ZHX3: variants seen among roughly 807,000 people sequenced by gnomAD.
ZHX3 encodes the protein zinc fingers and homeoboxes 3.
Under a neutral mutation model 64.5 loss-of-function variants are expected in ZHX3, and 20 were observed. That is an observed-to-expected ratio of 0.31 (90% confidence interval 0.22 to 0.45). The LOEUF is 0.45. Among genes scored for constraint, ZHX3 ranks in the 20% least tolerant of loss-of-function variants. The probability of loss-of-function intolerance (pLI) is 1.00; values close to 1 mark genes in which losing one functional copy is unlikely to be tolerated. For synonymous variants in ZHX3, 423 were observed against 461.6 expected, an observed-to-expected ratio of 0.92 and a Z score of 1.07; for missense variants, 1,041 against 1,195.8, an observed-to-expected ratio of 0.87 and a Z score of 1.91.
At position 41,188,722 on chromosome 20, in the gene ZHX3, A is replaced by AT. The variant is rs563362066; in HGVS notation, c.2861-3522dup. On this transcript the variant is annotated intron_variant, in intron 3 of 3. Transcript: ENST00000683867. ...CACCTTTTGCCCACTTTTTAATATG[A>AT]TTTTTTGTTGAATTCCTTATATATT... Among the ~76,000 whole-genome samples, 13 of 151,620 alleles carry AT rather than the reference A, an allele frequency of 8.6e-5. No individual in the cohort carries two copies. The South Asian group carries it at 2.7e-3, about 32-fold the overall frequency.
At chr20:41,258,967 G>A (rs2042414725) in intron 2 of ZHX3, among the ~76,000 whole-genome samples, 1 of 151,658 alleles carries the variant, frequency 6.6e-6, no homozygotes, top group Non-Finnish European at 1.5e-5. Context: ...ACTTTTGTTT[G>A]TTCAGTGAAT....
chr20:41,242,697 G>T (rs963196726), intron 2 of ZHX3, among the ~76,000 whole-genome samples: 3 of 152,102 alleles, frequency 2.0e-5, no homozygotes, highest in Admixed American at 1.3e-4. Context: ...TTATCTCCAA[G>T]GATGGAATCA....
At chr20:41,265,001 G>A (rs2042765769) in intron 2 of ZHX3, among the ~76,000 whole-genome samples, 1 of 151,986 alleles carries the variant, frequency 6.6e-6, no homozygotes, top group Non-Finnish European at 1.5e-5. Context: ...AAACTATGCA[G>A]TCATTAAAAA....
intron 1 of ZHX3, among the ~76,000 whole-genome samples, chr20:41,306,926 A>C (rs1249175644): frequency 6.6e-6 from 1 of 152,214 alleles, no homozygotes; most frequent in Non-Finnish European, 1.5e-5. Flanking sequence ...TGAATGCAAG[A>C]TTTCAGGCAT....
chr20:41,310,382 C>T (rs1455234845), intron 1 of ZHX3, among the ~76,000 whole-genome samples: 1 of 152,224 alleles, frequency 6.6e-6, no homozygotes, highest in Admixed American at 6.5e-5. Context: ...GCAGACCTCA[C>T]CTCTATTTCA....
chr20:41,264,180 G>A (rs980525839), intron 2 of ZHX3, among the ~76,000 whole-genome samples: 2 of 151,734 alleles, frequency 1.3e-5, no homozygotes, highest in African/African-American at 2.4e-5. Flanking sequence ...AGGCCGAGAC[G>A]GGCAGATTGC....
chr20:41,196,506 A>ATAATTATATAT (rs2037659906), intron 3 of ZHX3: 1 of 44,294 alleles, frequency 2.3e-5, no homozygotes, highest in African/African-American at 9.9e-5. Context: ...TATATATTAT[A>ATAATTATATAT]AATATATATT....
intron 1 of ZHX3, among the ~76,000 whole-genome samples, chr20:41,271,464 C>A (rs2043146198): frequency 6.6e-6 from 1 of 152,178 alleles, no homozygotes; most frequent in South Asian, 2.1e-4. Context: ...ATGCCAAAAG[C>A]TATGGGTTCA....
chr20:41,203,268 C>G lies in ZHX3; in HGVS notation c.1649G>C (p.Arg550Pro). The stretch of plus-strand genomic sequence containing the variant: ...CATCGCTCTGGAGCCCTTCAAGTTC[C>G]GGCAGTGGTATCTACGATCACTGAA... ...KWFSDRRYHCRNLKGSRAMIP... is the reference protein window; with the variant it reads ...KWFSDRRYHCPNLKGSRAMIP... Residue 550 changes from arginine (R) to proline (P), a missense_variant, in exon 3 of 4, where the codon CGG (arginine) becomes CCG (proline). Physicochemically the swap from Arg to Pro is moderately radical, Grantham distance 103. Transcript: ENST00000683867. This position sits in a 1 kb window ranked among gnomAD's most constrained non-coding sequence, Gnocchi z 7.1. 6.2e-7 allele frequency: 1 copy of G among 1,614,134 alleles called. No individual in the cohort carries two copies. Among genetic ancestry groups the G allele is most frequent in the Non-Finnish European group, 8.5e-7 (1 of 1,180,022 alleles).
intron 2 of ZHX3, among the ~76,000 whole-genome samples, chr20:41,240,291 G>A (rs1370677366): frequency 6.6e-6 from 1 of 152,212 alleles, no homozygotes; most frequent in African/African-American, 2.4e-5. Flanking sequence ...ATCCAGTGAA[G>A]TTACTTTGGC....
chr20:41,196,174 G>A (rs2037467819), intron 3 of ZHX3, among the ~76,000 whole-genome samples: 1 of 146,484 alleles, frequency 6.8e-6, no homozygotes, highest in Non-Finnish European at 1.5e-5. Flanking sequence ...TCCATTATCG[G>A]ACATGGAATA....
intron 2 of ZHX3, among the ~76,000 whole-genome samples, chr20:41,260,389 C>G (rs1568911381): frequency 6.6e-6 from 1 of 152,122 alleles, no homozygotes; most frequent in Non-Finnish European, 1.5e-5. Context: ...AGAAATAAAA[C>G]TTTTACAAAC....
chr20:41,243,590 C>T (rs1276515466), intron 2 of ZHX3, among the ~76,000 whole-genome samples: 2 of 152,084 alleles, frequency 1.3e-5, no homozygotes, highest in Non-Finnish European at 2.9e-5. Context: ...AGTTGGATAC[C>T]AGACTGAATC....
At chr20:41,281,426 T>C (rs1185604791) in intron 1 of ZHX3, among the ~76,000 whole-genome samples, 2 of 152,018 alleles carry the variant, frequency 1.3e-5, no homozygotes, top group Non-Finnish European at 2.9e-5. Flanking sequence ...AACAAAGAAA[T>C]AGGTTTAAAG....
At chr20:41,190,152 A>G (rs769328872) in intron 3 of ZHX3, among the ~76,000 whole-genome samples, 1 of 152,070 alleles carries the variant, frequency 6.6e-6, no homozygotes, top group Non-Finnish European at 1.5e-5. Context: ...TTGCATTATA[A>G]TTTTTTGAGA....
At chr20:41,190,534 T>C (rs1344336961) in intron 3 of ZHX3, among the ~76,000 whole-genome samples, 1 of 152,210 alleles carries the variant, frequency 6.6e-6, no homozygotes, top group Non-Finnish European at 1.5e-5. Flanking sequence ...GTTTTATATA[T>C]TTTTTTCCTT....
rs753572069 is a variant in ZHX3, at chr20:41,203,614, C to T, written c.1303G>A (p.Gly435Arg). 1 of 1,614,180 alleles carries T rather than the reference C, an allele frequency of 6.2e-7. No homozygotes were observed. Among genetic ancestry groups the T allele is most frequent in the Non-Finnish European group, 8.5e-7 (1 of 1,180,026 alleles). The change falls in exon 3 of 4, where the codon GGG (glycine) becomes AGG (arginine). Residue 435 changes from glycine to arginine, a missense_variant. By Grantham distance (125) the Gly-to-Arg change is moderately radical (BLOSUM62 -2). Around this residue, in one of 4 missense-constraint regions of ZHX3, gnomAD observed 649 missense variants for 739.8 expected, o/e 0.88. Coordinates refer to ENST00000683867, the MANE Select transcript of ZHX3 (RefSeq NM_001384317.1). The surrounding 1 kb of genome is among the most constrained non-coding windows in gnomAD (Gnocchi z 7.1). ...AGAGGGGAACTTGTTGCTTGCAACC[C>T]ATTGGCCATCAATGGCTGAGTGACC... ...LLVTQPLMAN[G>R]LQATSSPLPL... is the part of the protein sequence containing the mutation.
chr20:41,210,259 C>G (rs1291611069), intron 2 of ZHX3, among the ~76,000 whole-genome samples: 1 of 152,178 alleles, frequency 6.6e-6, no homozygotes, highest in East Asian at 1.9e-4. Context: ...GGACTGTAAA[C>G]TAGTTCAACC....
At chr20:41,303,898 T>C (rs565395289) in intron 1 of ZHX3, among the ~76,000 whole-genome samples, 186 of 152,270 alleles carry the variant, frequency 1.2e-3, no homozygotes, top group Non-Finnish European at 1.7e-3. Flanking sequence ...AAAATGCATC[T>C]CTACTTCATT....
Sources: gnomAD v4.1 joint callset for allele counts (sites outside exome capture counted in the v4.1 genomes callset) on GRCh38, gnomAD v4.1.1 for gene constraint, gnomAD v4.1.1 regional missense constraint, Gnocchi (gnomAD v3.1) non-coding constraint, MANE v1.5 for transcripts, NCBI Gene and HGNC (gene_info 2026-07-23, HGNC 2026-07-21) for gene names.